The following HYCC1 variants were observed in gnomAD, a reference collection of about 807,000 sequenced individuals.
The protein encoded by HYCC1 is hyccin PI4KA lipid kinase complex subunit 1.
At chr7:22,932,974 C>A in the HYCC1 span, among the ~76,000 whole-genome samples, 1 of 152,236 alleles carries the variant, frequency 6.6e-6, no homozygotes, top group African/African-American at 2.4e-5. Flanking sequence ...AGCCCTGTGA[C>A]AACAGAAGTA....
At chr7:22,919,116 T>C in the HYCC1 span, among the ~76,000 whole-genome samples, 4 of 152,212 alleles carry the variant, frequency 2.6e-5, no homozygotes, top group East Asian at 1.9e-4. Flanking sequence ...GTGTGAGGCA[T>C]ACATGGGAAC....
At chr7:22,962,910 C>T in the HYCC1 span, among the ~76,000 whole-genome samples, 6 of 152,106 alleles carry the variant, frequency 3.9e-5, no homozygotes, top group Admixed American at 1.3e-4. Flanking sequence ...AAGCTGAGGA[C>T]GAAGCAGGAG....
At chr7:22,919,224 C>A in the HYCC1 span, among the ~76,000 whole-genome samples, 3 of 152,106 alleles carry the variant, frequency 2.0e-5, no homozygotes, top group Non-Finnish European at 4.4e-5. Context: ...GTAAATGATG[C>A]ATTAAAAAGT....
the HYCC1 span, among the ~76,000 whole-genome samples, chr7:23,013,687 C>A: frequency 0.045 from 2 of 44 alleles, no homozygotes; most frequent in African/African-American, 0.12. Flanking sequence ...AACTTCGGGG[C>A]GAGCAGCGCC....
chr7:22,897,497 A>T, the HYCC1 span, among the ~76,000 whole-genome samples: 1 of 152,248 alleles, frequency 6.6e-6, no homozygotes, highest in Non-Finnish European at 1.5e-5. Context: ...ATGGTAGTTC[A>T]CTAATCTATG....
At chr7:22,948,423 G>A in the HYCC1 span, among the ~76,000 whole-genome samples, 1 of 152,026 alleles carries the variant, frequency 6.6e-6, no homozygotes, top group African/African-American at 2.4e-5. Context: ...TATCACCTGA[G>A]CATCTTTAAA....
chr7:22,984,636 G>A, the HYCC1 span, among the ~76,000 whole-genome samples: 1 of 152,140 alleles, frequency 6.6e-6, no homozygotes, highest in African/African-American at 2.4e-5. Context: ...GTGGGAAGAT[G>A]GCTTGAGCCT....
the HYCC1 span, among the ~76,000 whole-genome samples, chr7:22,955,668 T>A: frequency 6.6e-6 from 1 of 151,642 alleles, no homozygotes; most frequent in Non-Finnish European, 1.5e-5. Flanking sequence ...TAGTAGTAGT[T>A]GTCGTGAACA....
At chr7:22,993,588 C>T in the HYCC1 span, among the ~76,000 whole-genome samples, 1 of 152,082 alleles carries the variant, frequency 6.6e-6, no homozygotes, top group South Asian at 2.1e-4. Flanking sequence ...TCAAGACCAT[C>T]ACTTACTCAA....
the HYCC1 span, among the ~76,000 whole-genome samples, chr7:22,986,882 C>T: frequency 6.6e-6 from 1 of 152,080 alleles, no homozygotes; most frequent in African/African-American, 2.4e-5. Context: ...AATTTGAAGA[C>T]AGATGCCTCA....
the HYCC1 span, among the ~76,000 whole-genome samples, chr7:22,932,209 G>C: frequency 2.0e-5 from 3 of 152,280 alleles, no homozygotes; most frequent in African/African-American, 4.8e-5. Flanking sequence ...ACGCCCATGA[G>C]CTGCATAGGA....
chr7:22,930,700 T>C, the HYCC1 span, among the ~76,000 whole-genome samples: 4 of 151,902 alleles, frequency 2.6e-5, no homozygotes, highest in African/African-American at 4.8e-5. Context: ...TGAGTAGAGA[T>C]GTAAAACTCC....
chr7:22,986,769 A>G, the HYCC1 span, among the ~76,000 whole-genome samples: 2 of 151,988 alleles, frequency 1.3e-5, no homozygotes, highest in Admixed American at 6.6e-5. Flanking sequence ...AATCGCTTGA[A>G]CCCGGGAGGC....
the HYCC1 span, chr7:22,977,408 T>C: frequency 6.3e-7 from 1 of 1,575,992 alleles, no homozygotes; most frequent in East Asian, 2.2e-5. Context: ...ATGTCCCTGT[T>C]TGTCAACTAT....
the HYCC1 span, among the ~76,000 whole-genome samples, chr7:22,915,248 A>G: frequency 1.3e-5 from 2 of 152,214 alleles, no homozygotes; most frequent in Non-Finnish European, 2.9e-5. Context: ...TTCAAGGTGT[A>G]CAATAATAGA....
chr7:22,919,799 AGAG>A, the HYCC1 span, among the ~76,000 whole-genome samples: 2 of 152,308 alleles, frequency 1.3e-5, no homozygotes, highest in South Asian at 4.1e-4. Context: ...AAAGAGTCCC[AGAG>A]AAATATGGGA....
At chr7:22,955,302 C>A in the HYCC1 span, among the ~76,000 whole-genome samples, 1 of 150,614 alleles carries the variant, frequency 6.6e-6, no homozygotes, top group African/African-American at 2.4e-5. Context: ...TAAGAATATA[C>A]TTATTTTGTA....
At chr7:22,939,412 A>G in the HYCC1 span, 1 of 152,214 alleles carries the variant, frequency 6.6e-6, no homozygotes, top group Non-Finnish European at 1.5e-5. Context: ...CCCCATACCA[A>G]TGTCAATACT....
chr7:22,939,003 TTAAC>T, the HYCC1 span: 2 of 152,224 alleles, frequency 1.3e-5, no homozygotes, highest in Non-Finnish European at 2.9e-5. Flanking sequence ...ACACTCATAT[TTAAC>T]TACTGCACAC....
Sources: gnomAD v4.1 joint callset for allele counts (sites outside exome capture counted in the v4.1 genomes callset) on GRCh38, gnomAD v4.1.1 for gene constraint, MANE v1.5 for transcripts, NCBI Gene and HGNC (gene_info 2026-07-23, HGNC 2026-07-21) for gene names.